The following CUBN variants were observed in gnomAD, a reference collection of about 807,000 sequenced individuals.
CUBN encodes the protein cubilin.
A neutral mutation model predicts 405.3 loss-of-function variants in CUBN; 282 were observed. That is an observed-to-expected ratio of 0.70 (90% confidence interval 0.63 to 0.77). CUBN has a LOEUF of 0.77. CUBN is among the 30% of genes least tolerant of loss of function. CUBN has a pLI of 0.00. For missense variants in CUBN, 4,514 were observed against 4,475.2 expected, an observed-to-expected ratio of 1.01 and a Z score of -0.25; for synonymous variants, 1,684 against 1,617.0, an observed-to-expected ratio of 1.04 and a Z score of -0.99.
intron 29 of CUBN, 66 bp from the exon 30 acceptor site, chr10:16,984,345 G>C (rs1205904090): frequency 1.6e-5 from 23 of 1,477,692 alleles, no homozygotes. Context: ...CCTTGCTCTG[G>C]CTCATTTTGA....
chr10:17,048,831 T>C (rs2131823758), intron 22 of CUBN, among the ~76,000 whole-genome samples: 1 of 152,304 alleles, frequency 6.6e-6, no homozygotes, highest in South Asian at 2.1e-4. Flanking sequence ...TGCTGCTATA[T>C]AATCCCCAAG....
chr10:16,939,471 T>G (rs1197612863), intron 37 of CUBN, among the ~76,000 whole-genome samples: 1 of 152,206 alleles, frequency 6.6e-6, no homozygotes, highest in African/African-American at 2.4e-5. Context: ...TATTTTACTT[T>G]GTTTTTCAAA....
intron 49 of CUBN, 28 bp from the exon 50 acceptor site, chr10:16,906,437 G>A: frequency 6.7e-7 from 1 of 1,499,482 alleles, no homozygotes; most frequent in Non-Finnish European, 9.3e-7. Flanking sequence ...AACAGAGAAA[G>A]TAGTAGTAAG....
In CUBN at chr10:17,071,410, AT is replaced by A; in HGVS notation, c.2625+15del. 1 of 1,612,946 alleles carries A rather than the reference AT, an allele frequency of 6.2e-7. No individual in the cohort carries two copies. The highest frequency in any genetic ancestry group is 8.5e-7 in the Non-Finnish European group (1 of 1,179,156). On this transcript the variant is annotated intron_variant, in intron 19 of 66. Coordinates refer to ENST00000377833, the MANE Select transcript of CUBN (RefSeq NM_001081.4). ...TATACAACCAAATACAAATTCAAAG[AT>A]TTTTTCCCTCTTACCTCAACATAAT... is the stretch of plus-strand genomic sequence containing the variant.
At chr10:17,056,426 C>A (rs1460982098) in intron 22 of CUBN, among the ~76,000 whole-genome samples, 1 of 151,932 alleles carries the variant, frequency 6.6e-6, no homozygotes, top group Admixed American at 6.6e-5. Flanking sequence ...TTGGCTAACA[C>A]GGTGAAACCC....
At chr10:16,920,330 T>C (rs376222196) in intron 43 of CUBN, among the ~76,000 whole-genome samples, 193 bp from the exon 44 acceptor site, 1 of 152,238 alleles carries the variant, frequency 6.6e-6, no homozygotes, top group Non-Finnish European at 1.5e-5. Flanking sequence ...GTGACACTTT[T>C]TATTTTGCCA....
intron 27 of CUBN, among the ~76,000 whole-genome samples, chr10:17,037,353 CAA>C (rs1834923634): frequency 6.6e-6 from 1 of 152,114 alleles, no homozygotes; most frequent in South Asian, 2.1e-4. Context: ...GATTCTCAGA[CAA>C]AATCAAATCT....
At chr10:16,874,885 T>A (rs1840455602) in intron 57 of CUBN, among the ~76,000 whole-genome samples, 1 of 152,082 alleles carries the variant, frequency 6.6e-6, no homozygotes, top group African/African-American at 2.4e-5. Context: ...GCGGCCAGAA[T>A]GATGTTCTGG....
At chr10:16,996,371 C>G (rs1275257917) in intron 28 of CUBN, among the ~76,000 whole-genome samples, 2 of 152,240 alleles carry the variant, frequency 1.3e-5, no homozygotes, top group Non-Finnish European at 2.9e-5. Flanking sequence ...TCTCACTCAT[C>G]TGCCGAAAGG....
Position 16,888,320 on chromosome 10 carries a change from T to C in CUBN, c.8905+97A>G, listed in dbSNP as rs879064245. The C allele has an allele frequency of 1.3e-5, 13 of 985,218 alleles. No individual in the cohort carries two copies. The South Asian group carries it at 1.8e-4, about 14-fold the overall frequency. The allele number at this position is 985,218 out of a possible 1,614,324, so 61.0% of individuals were successfully genotyped here. A position where few individuals can be genotyped will look rare whatever the true frequency, so the allele number is the denominator to read the frequency against. ...ATGTTAATTAACTGGATTTAGCCAC[T>C]CTACAACATGTACATATGTCAAAAC... On this transcript the variant is annotated intron_variant, in intron 56 of 66. Coordinates refer to ENST00000377833, the MANE Select transcript of CUBN (RefSeq NM_001081.4).
chr10:16,939,894 A>C, intron 37 of CUBN, 138 bp downstream of exon 37: 4 of 827,068 alleles, frequency 4.8e-6, no homozygotes, highest in Non-Finnish European at 8.2e-6. Flanking sequence ...AATATGTTAT[A>C]AGGTAATTCA....
At chr10:17,084,907 G>A (rs1836072006) in intron 16 of CUBN, among the ~76,000 whole-genome samples, 1 of 152,154 alleles carries the variant, frequency 6.6e-6, no homozygotes, top group Admixed American at 6.5e-5. Context: ...GGAACAGGAG[G>A]TTGGCACCAG....
At chr10:16,840,571 TTA>T in intron 61 of CUBN, 36 bp from the exon 62 acceptor site, 1 of 1,476,396 alleles carries the variant, frequency 6.8e-7, no homozygotes, top group Non-Finnish European at 9.3e-7. Flanking sequence ...AGGAGACATT[TTA>T]TTCATGTCTC....
chr10:17,086,153 A>T (rs1199514960), intron 15 of CUBN, among the ~76,000 whole-genome samples: 1 of 152,008 alleles, frequency 6.6e-6, no homozygotes, highest in Admixed American at 6.5e-5. Context: ...TTTAGTAGAG[A>T]CAGGGTTTCA....
intron 17 of CUBN, among the ~76,000 whole-genome samples, chr10:17,073,417 C>T (rs536766118): frequency 7.9e-4 from 118 of 149,756 alleles, no homozygotes; most frequent in South Asian, 1.7e-3. Context: ...ATATAATAGA[C>T]TACTGATTTT....
At chr10:17,116,290 C>G (rs1481740374) in intron 6 of CUBN, among the ~76,000 whole-genome samples, 1 of 152,138 alleles carries the variant, frequency 6.6e-6, no homozygotes, top group African/African-American at 2.4e-5. Context: ...TGTTTTAAGC[C>G]CTTGTCATTG....
At chr10:16,905,746 G>C (rs1777838338) in intron 50 of CUBN, among the ~76,000 whole-genome samples, 1 of 152,164 alleles carries the variant, frequency 6.6e-6, no homozygotes, top group African/African-American at 2.4e-5. Flanking sequence ...TTCGAACAGA[G>C]TTCTTTTGGA....
At chr10:17,095,121 T>G (rs1836344320) in intron 14 of CUBN, among the ~76,000 whole-genome samples, 1 of 152,032 alleles carries the variant, frequency 6.6e-6, no homozygotes, top group South Asian at 2.1e-4. Flanking sequence ...GCTGAATTGA[T>G]TTTTGACAAA....
intron 59 of CUBN, among the ~76,000 whole-genome samples, chr10:16,852,915 CCA>C (rs1839762474): frequency 6.6e-6 from 1 of 152,094 alleles, no homozygotes; most frequent in East Asian, 1.9e-4. Context: ...TTATATTCAG[CCA>C]CACTCTATAT....
Sources: gnomAD v4.1 joint callset for allele counts (sites outside exome capture counted in the v4.1 genomes callset) on GRCh38, gnomAD v4.1.1 for gene constraint, MANE v1.5 for transcripts, NCBI Gene and HGNC (gene_info 2026-07-23, HGNC 2026-07-21) for gene names.